Variants in DCP1A observed in about 807,000 individuals in gnomAD.
DCP1A encodes decapping mRNA 1A, also known as mRNA-decapping enzyme 1A.
Under a neutral mutation model 58.0 loss-of-function variants are expected in DCP1A, and 20 were observed. That is an observed-to-expected ratio of 0.34 (90% CI 0.24 to 0.50). The LOEUF is 0.50. Ranked by LOEUF, DCP1A falls within the 20% of genes least tolerant of loss-of-function variation. DCP1A has a pLI of 0.98. For synonymous variants in DCP1A, 285 were observed against 275.1 expected (o/e 1.04, Z -0.36); for missense variants, 613 against 712.2 (o/e 0.86, Z 1.59).
At chr3:53,313,356 C>T (rs1317175331) in intron 4 of DCP1A, among the ~76,000 whole-genome samples, 5 of 151,420 alleles carry the variant, frequency 3.3e-5, no homozygotes, top group Admixed American at 1.3e-4. Flanking sequence ...GAGGTAGAGG[C>T]TGCAGTGAAC....
At chr3:53,338,925 GT>G (rs1553692259) in intron 3 of DCP1A, among the ~76,000 whole-genome samples, 1 of 151,144 alleles carries the variant, frequency 6.6e-6, no homozygotes, top group Non-Finnish European at 1.5e-5. Context: ...CTGAAAAAAA[GT>G]TATGGTTCAC....
chr3:53,329,188 C>A (rs1157117142), intron 3 of DCP1A: 1 of 394,514 alleles, frequency 2.5e-6, no homozygotes, highest in South Asian at 1.4e-4. Flanking sequence ...CCTACCATCT[C>A]TACTGTTCTG....
At chr3:53,288,329 T>C in intron 8 of DCP1A, 46 bp from the exon 9 acceptor site, 1 of 1,492,456 alleles carries the variant, frequency 6.7e-7, no homozygotes, top group South Asian at 1.2e-5. Flanking sequence ...CAGAAGCCAG[T>C]AGCCAGGCCC....
chr3:53,319,465 A>T lies in DCP1A; in HGVS notation c.313T>A (p.Tyr105Asn). 6 of 1,555,318 alleles carry T rather than the reference A, an allele frequency of 3.9e-6. 1 individual carries two copies. Among genetic ancestry groups the T allele is most frequent in the Non-Finnish European group, 5.2e-6 (6 of 1,146,444 alleles). The change falls in exon 4 of 10, where the codon TAT becomes AAT. Residue 105 changes from tyrosine to asparagine, a missense_variant. This residue lies in a region of DCP1A where 65 missense variants were observed against 118.5 expected (regional missense o/e 0.55). Transcript: ENST00000610213. ...TTCTTGTCATAAAACCAGATACTAT[A>T]TATCGACACTTGAAAAACAAAGGGA... is the stretch of plus-strand genomic sequence containing the variant. Reference protein sequence around the residue: ...LLYRNASLSIYSIWFYDKNDC... With the variant: ...LLYRNASLSINSIWFYDKNDC...
intron 5 of DCP1A, among the ~76,000 whole-genome samples, chr3:53,311,843 T>TA (rs1473260949): frequency 3.9e-5 from 6 of 152,084 alleles, no homozygotes; most frequent in African/African-American, 1.4e-4. Flanking sequence ...ATAGTAATCT[T>TA]ATAGGAATAG....
intron 2 of DCP1A, among the ~76,000 whole-genome samples, chr3:53,343,390 A>T (rs1287079656): frequency 6.6e-6 from 1 of 152,168 alleles, no homozygotes; most frequent in African/African-American, 2.4e-5. Context: ...TTTAATTAGA[A>T]TCAGTACCAT....
chr3:53,304,104 G>T, intron 6 of DCP1A, 73 bp downstream of exon 6: 2 of 1,092,658 alleles, frequency 1.8e-6, no homozygotes, highest in South Asian at 1.3e-5. Flanking sequence ...AATCAAACTT[G>T]CACTCATTAG....
At chr3:53,344,621 G>T (rs991879658) in intron 2 of DCP1A, among the ~76,000 whole-genome samples, 2 of 152,122 alleles carry the variant, frequency 1.3e-5, no homozygotes, top group Non-Finnish European at 2.9e-5. Context: ...TAATATGGGG[G>T]TAGGAAGAGA....
Position 53,334,075 on chromosome 3 carries a change from A to C in DCP1A, c.304+8069T>G, listed in dbSNP as rs116317885. Among the ~76,000 whole-genome samples the C allele has an allele frequency of 6.6e-4, 100 of 152,260 alleles. 1 individual carries two copies. The highest frequency in any genetic ancestry group is 6.8e-3 in the Middle Eastern group (2 of 294). On this transcript the variant is annotated intron_variant, in intron 3 of 9. Coordinates refer to ENST00000610213, the MANE Select transcript of DCP1A (RefSeq NM_018403.7). ...CCAGGAGTTTGAGACCAGCCTGGAC[A>C]ATATAGAGAGACCTTGTCTCTACAA...
At chr3:53,344,017 GA>G (rs1257431545) in intron 2 of DCP1A, among the ~76,000 whole-genome samples, 2 of 151,730 alleles carry the variant, frequency 1.3e-5, no homozygotes, top group Non-Finnish European at 2.9e-5. Context: ...CTTAAAAGAA[GA>G]AAAAAATGAG....
chr3:53,295,898 T>G (rs1048456528), intron 6 of DCP1A, among the ~76,000 whole-genome samples: 2 of 147,900 alleles, frequency 1.4e-5, no homozygotes, highest in East Asian at 3.9e-4. Flanking sequence ...CATGTGGTCT[T>G]TTTTTTTTTT....
At chr3:53,317,611 G>A (rs1707850916) in intron 4 of DCP1A, among the ~76,000 whole-genome samples, 2 of 152,194 alleles carry the variant, frequency 1.3e-5, no homozygotes, top group South Asian at 2.1e-4. Flanking sequence ...AATTACTTGG[G>A]AGGCTAAGGC....
intron 5 of DCP1A, among the ~76,000 whole-genome samples, chr3:53,307,510 AT>A (rs1553688213): frequency 1.3e-5 from 2 of 152,126 alleles, no homozygotes; most frequent in Non-Finnish European, 2.9e-5. Flanking sequence ...GGGGCATTTG[AT>A]TTGCAATTCT....
At position 53,286,485 on chromosome 3, in the gene DCP1A, A is replaced by G. The variant is rs538703445; in HGVS notation, c.*1095T>C. 2.0e-5 allele frequency: 3 copies of G among 152,388 alleles called. No individual in the cohort carries two copies. Among genetic ancestry groups the G allele is most frequent in the East Asian group, 1.9e-4 (1 of 5,194 alleles). The allele number at this position is 152,388 out of a possible 1,614,324, so 9.4% of individuals were successfully genotyped here. Reference sequence around the variant, plus strand: ...GAAATCATGGCAGATCAATAGCAGCATAACAAAGCTTCTTTACATATTTTC... The same window carrying G: ...GAAATCATGGCAGATCAATAGCAGCGTAACAAAGCTTCTTTACATATTTTC... On this transcript the variant is annotated 3_prime_UTR_variant, in exon 10 of 10. Transcript: ENST00000610213.
intron 3 of DCP1A, among the ~76,000 whole-genome samples, chr3:53,330,188 T>TA: frequency 6.6e-6 from 1 of 152,200 alleles, no homozygotes; most frequent in East Asian, 1.9e-4. Context: ...GGAGTTGTTT[T>TA]AAGAATAAAC....
intron 6 of DCP1A, among the ~76,000 whole-genome samples, chr3:53,296,917 G>A (rs1324741254): frequency 6.6e-6 from 1 of 152,288 alleles, no homozygotes; most frequent in Admixed American, 6.5e-5. Context: ...GAATTGCTGG[G>A]TCATATAGTA....
chr3:53,301,550 A>C (rs1476294595), intron 6 of DCP1A, among the ~76,000 whole-genome samples: 1 of 152,134 alleles, frequency 6.6e-6, no homozygotes, highest in Non-Finnish European at 1.5e-5. Flanking sequence ...TTTCTTATTA[A>C]ACTAAAACAT....
In DCP1A at chr3:53,310,099, T is replaced by C. The variant is rs568333280; in HGVS notation, c.510+2142A>G. 1.8e-4 allele frequency among the ~76,000 whole-genome samples: 28 copies of C among 152,310 alleles called. No homozygotes were observed. The South Asian group carries it at 5.0e-3, about 27-fold the overall frequency. On this transcript the variant is annotated intron_variant, in intron 5 of 9. Coordinates refer to ENST00000610213, the MANE Select transcript of DCP1A (RefSeq NM_018403.7). ...CTCTAATTCAAAGAAGCTCCACCTA[T>C]TGCAGACAGTTTTCAAAATCAGAAA...
chr3:53,329,141 TAAA>T, intron 3 of DCP1A: 1 of 388,612 alleles, frequency 2.6e-6, no homozygotes, highest in Non-Finnish European at 4.5e-6. Flanking sequence ...CGCTGTGCTT[TAAA>T]AGTCTGAAGA....
Sources: gnomAD v4.1 joint callset for allele counts (sites outside exome capture counted in the v4.1 genomes callset) on GRCh38, gnomAD v4.1.1 for gene constraint, gnomAD v4.1.1 regional missense constraint, MANE v1.5 for transcripts, NCBI Gene and HGNC (gene_info 2026-07-23, HGNC 2026-07-21) for gene names.